The following INPP4B variants were observed in gnomAD, a reference collection of about 807,000 sequenced individuals.
INPP4B encodes inositol polyphosphate-4-phosphatase type II B, also known as inositol polyphosphate 4-phosphatase type II.
A neutral mutation model predicts 122.5 loss-of-function variants in INPP4B; 55 were observed. That is an observed-to-expected ratio of 0.45 (90% confidence interval 0.36 to 0.56). The LOEUF is 0.56. Ranked by LOEUF, INPP4B falls within the 20% of genes least tolerant of loss-of-function variation. The pLI is 0.00. For missense variants in INPP4B, 1,000 were observed against 1,097.7 expected (o/e 0.91, Z 1.26); for synonymous variants, 403 against 388.7 (o/e 1.04, Z -0.43).
At chr4:142,619,654 G>T (rs1337502881) in intron 2 of INPP4B, among the ~76,000 whole-genome samples, 1 of 151,948 alleles carries the variant, frequency 6.6e-6, no homozygotes, top group Non-Finnish European at 1.5e-5. Flanking sequence ...TAAGGTTTCA[G>T]TTATGCAAGG....
chr4:142,386,811 C>A (rs1185380914), intron 7 of INPP4B, among the ~76,000 whole-genome samples: 1 of 152,096 alleles, frequency 6.6e-6, no homozygotes, highest in Non-Finnish European at 1.5e-5. Flanking sequence ...AAATTTAATT[C>A]GGCTTAAGTT....
intron 1 of INPP4B, among the ~76,000 whole-genome samples, chr4:142,803,120 C>G (rs1480916410): frequency 6.9e-6 from 1 of 145,042 alleles, no homozygotes; most frequent in Non-Finnish European, 1.5e-5. Context: ...TGCCGTAAGC[C>G]GAAATTGCAC....
intron 2 of INPP4B, among the ~76,000 whole-genome samples, chr4:142,466,793 A>C (rs1817871919): frequency 6.6e-6 from 1 of 152,180 alleles, no homozygotes; most frequent in Non-Finnish European, 1.5e-5. Context: ...GGCCAGGTTC[A>C]GGGCCCCATT....
intron 9 of INPP4B, among the ~76,000 whole-genome samples, chr4:142,293,825 T>C (rs1218492388): frequency 6.6e-6 from 1 of 152,270 alleles, no homozygotes; most frequent in Non-Finnish European, 1.5e-5. Context: ...AGTAACTTCC[T>C]ATCTCCACTT....
intron 1 of INPP4B, among the ~76,000 whole-genome samples, chr4:142,760,314 G>T (rs753401140): frequency 2.0e-5 from 3 of 152,060 alleles, no homozygotes; most frequent in African/African-American, 7.2e-5. Context: ...ACATGGGGAG[G>T]ACAAAACATC....
At chr4:142,446,627 CAAG>C (rs1427752906) in intron 3 of INPP4B, among the ~76,000 whole-genome samples, 1 of 152,048 alleles carries the variant, frequency 6.6e-6, no homozygotes, top group Non-Finnish European at 1.5e-5. Context: ...TGTCCATCAA[CAAG>C]AAGGTAGATA....
At chr4:142,655,712 C>T (rs986490944) in intron 2 of INPP4B, among the ~76,000 whole-genome samples, 4 of 152,140 alleles carry the variant, frequency 2.6e-5, no homozygotes, top group Admixed American at 1.3e-4. Flanking sequence ...CAAACTTATT[C>T]CTAATAATGT....
chr4:142,712,353 C>T (rs1763217106), intron 2 of INPP4B, among the ~76,000 whole-genome samples: 1 of 152,174 alleles, frequency 6.6e-6, no homozygotes, highest in Admixed American at 6.5e-5. Flanking sequence ...AAGATGAGGA[C>T]ATCTGAATCC....
At chr4:142,187,880 G>A (rs1833868260) in intron 15 of INPP4B, among the ~76,000 whole-genome samples, 1 of 152,068 alleles carries the variant, frequency 6.6e-6, no homozygotes, top group Admixed American at 6.5e-5. Flanking sequence ...ACAGGCATGA[G>A]CCATCATGCC....
chr4:142,294,867 C>G (rs1036211544), intron 9 of INPP4B, among the ~76,000 whole-genome samples: 1 of 71,072 alleles, frequency 1.4e-5, no homozygotes. Flanking sequence ...GGCAGACTTA[C>G]GCCAGGCTGT....
intron 16 of INPP4B, among the ~76,000 whole-genome samples, chr4:142,170,106 T>TA (rs1824863423): frequency 6.6e-6 from 1 of 151,738 alleles, no homozygotes; most frequent in African/African-American, 2.4e-5. Context: ...AATGCATTTT[T>TA]ATCTCACTCT....
intron 15 of INPP4B, among the ~76,000 whole-genome samples, chr4:142,183,960 T>C (rs1450943563): frequency 6.6e-6 from 1 of 152,182 alleles, no homozygotes; most frequent in Non-Finnish European, 1.5e-5. Flanking sequence ...ACAGCTATAG[T>C]GAAGACAAGA....
chr4:142,742,704 G>T (rs1238654083), intron 1 of INPP4B, among the ~76,000 whole-genome samples: 1 of 151,722 alleles, frequency 6.6e-6, no homozygotes, highest in African/African-American at 2.4e-5. Flanking sequence ...AAGATTTTGG[G>T]GCAGAAAGAA....
At chr4:142,384,131 T>A (rs1407117908) in intron 7 of INPP4B, 1 of 702,054 alleles carries the variant, frequency 1.4e-6, no homozygotes, top group Admixed American at 2.0e-5. Flanking sequence ...GGAAGAAAAG[T>A]GTGATCAGTA....
chr4:142,220,337 T>C (rs548563623), intron 12 of INPP4B, among the ~76,000 whole-genome samples: 7 of 152,236 alleles, frequency 4.6e-5, no homozygotes, highest in South Asian at 2.1e-4. Flanking sequence ...TCTTTGAATA[T>C]GCATTGGACA....
chr4:142,837,241 A>G (rs956949165), intron 1 of INPP4B, among the ~76,000 whole-genome samples: 1 of 152,074 alleles, frequency 6.6e-6, no homozygotes, highest in East Asian at 1.9e-4. Context: ...AATTAGCACT[A>G]CAAAATGAAG....
intron 1 of INPP4B, among the ~76,000 whole-genome samples, chr4:142,774,347 CT>C (rs1488093323): frequency 1.1e-4 from 17 of 152,080 alleles, no homozygotes; most frequent in Non-Finnish European, 2.1e-4. Context: ...TAGCATATGT[CT>C]GAAGATCATT....
intron 9 of INPP4B, among the ~76,000 whole-genome samples, chr4:142,277,024 T>G (rs758771246): frequency 6.6e-6 from 1 of 151,906 alleles, no homozygotes; most frequent in Non-Finnish European, 1.5e-5. Flanking sequence ...AGGCCATTCT[T>G]CCAGGAGTTA....
chr4:142,653,972 A>T (rs1392601729), intron 2 of INPP4B, among the ~76,000 whole-genome samples: 1 of 152,174 alleles, frequency 6.6e-6, no homozygotes, highest in Non-Finnish European at 1.5e-5. Flanking sequence ...AACCAACCCA[A>T]ATGTCCAACA....
Sources: gnomAD v4.1 joint callset for allele counts (sites outside exome capture counted in the v4.1 genomes callset) on GRCh38, gnomAD v4.1.1 for gene constraint, MANE v1.5 for transcripts, NCBI Gene and HGNC (gene_info 2026-07-23, HGNC 2026-07-21) for gene names.